PRH1: variants seen among roughly 807,000 people sequenced by gnomAD.
PRH1 encodes salivary acidic proline-rich phosphoprotein 1/2.
In PRH1, 7 loss-of-function variants were observed where a neutral mutation model predicts 7.9. The ratio of observed to expected loss-of-function variants is 0.89; its 90% CI spans 0.50 to 1.67. The LOEUF is 1.67. Among genes scored for constraint, PRH1 ranks in the 40% most tolerant of loss-of-function variants. PRH1 has a pLI of 0.00. For synonymous variants in PRH1, 45 were observed against 80.8 expected (o/e 0.56, Z 2.38); for missense variants, 109 against 223.6 (o/e 0.49, Z 3.27).
chr12:11,032,190 A>G (rs979802196), intron 1 of PRH1, among the ~76,000 whole-genome samples: 9 of 152,188 alleles, frequency 5.9e-5, no homozygotes, highest in South Asian at 4.1e-4. Context: ...AGTGTTTGCA[A>G]TTTTTCCTTG....
chr12:10,932,717 T>C lies in PRH1; in HGVS notation c.-59+40938A>G, dbSNP rs143603996. ...AAGCCACTAGACCTATTTTCCCCTATTTTATCACTGATCAGTTCTGTCCCT... is the reference window on the plus strand; with the variant it reads ...AAGCCACTAGACCTATTTTCCCCTACTTTATCACTGATCAGTTCTGTCCCT... On this transcript the variant is annotated intron_variant, in intron 2 of 3. Coordinates refer to the PRH1 transcript ENST00000539853. 1.3e-3 allele frequency among the ~76,000 whole-genome samples: 202 copies of C among 152,230 alleles called. 5 individuals are homozygous for C. The East Asian group carries it at 0.036, about 27-fold the overall frequency.
chr12:11,150,062 T>C (rs71453438), intron 1 of PRH1, among the ~76,000 whole-genome samples: 1 of 131,872 alleles, frequency 7.6e-6, no homozygotes, highest in Non-Finnish European at 1.7e-5. Context: ...AAAAAACACA[T>C]GAAAAAATGC....
At chr12:11,003,403 G>A (rs937064583) in intron 1 of PRH1, among the ~76,000 whole-genome samples, 4 of 151,878 alleles carry the variant, frequency 2.6e-5, no homozygotes, top group South Asian at 2.1e-4. Context: ...CCACACTTTC[G>A]TCAAAAAGTA....
intron 1 of PRH1, among the ~76,000 whole-genome samples, chr12:11,015,136 A>C (rs1565550607): frequency 6.6e-6 from 1 of 152,208 alleles, no homozygotes; most frequent in Non-Finnish European, 1.5e-5. Context: ...TCATGCAAGC[A>C]TGTGTACAAC....
Position 11,133,456 on chromosome 12 carries a change from G to T in PRH1, n.40-12276C>A, listed in dbSNP as rs537803211. On this transcript the variant is annotated intron_variant and non_coding_transcript_variant, in intron 1 of 1. Coordinates refer to the PRH1 transcript ENST00000541175. ...GATAGCTGAATATAATAGCTTGGCA[G>T]AACATGAAGACAGGTTGCTTTTCCA... is the stretch of plus-strand genomic sequence containing the variant. The T allele has an allele frequency of 1.9e-5, 31 of 1,614,102 alleles. No individual in the cohort carries two copies. The East Asian group carries it at 6.7e-4, about 35-fold the overall frequency.
At chr12:10,934,379 C>G (rs556347684) in intron 2 of PRH1, among the ~76,000 whole-genome samples, 2 of 152,066 alleles carry the variant, frequency 1.3e-5, no homozygotes, top group Non-Finnish European at 2.9e-5. Flanking sequence ...TGTGAGGATT[C>G]GAAGATCTCT....
At chr12:10,898,729 G>T (rs1949683415) in intron 2 of PRH1, among the ~76,000 whole-genome samples, 1 of 152,194 alleles carries the variant, frequency 6.6e-6, no homozygotes, top group Non-Finnish European at 1.5e-5. Flanking sequence ...GGTGCTTAGG[G>T]AAGGACTCAT....
chr12:10,920,920 C>G (rs1457449726), intron 2 of PRH1, among the ~76,000 whole-genome samples: 1 of 151,942 alleles, frequency 6.6e-6, no homozygotes, highest in African/African-American at 2.4e-5. Flanking sequence ...GGGTATTTAT[C>G]TTGATTAGGA....
intron 1 of PRH1, chr12:11,133,564 A>G: frequency 6.2e-7 from 1 of 1,614,240 alleles, no homozygotes; most frequent in Non-Finnish European, 8.5e-7. Flanking sequence ...CAGTTTGCAA[A>G]GCTTTTATGT....
At chr12:10,918,215 G>A (rs1949999116) in intron 2 of PRH1, among the ~76,000 whole-genome samples, 1 of 152,102 alleles carries the variant, frequency 6.6e-6, no homozygotes, top group Non-Finnish European at 1.5e-5. Context: ...TAGCGGGCAT[G>A]TTGGGGCAGG....
chr12:10,972,542 G>A (rs1938866876), intron 2 of PRH1, among the ~76,000 whole-genome samples: 1 of 152,056 alleles, frequency 6.6e-6, no homozygotes, highest in Non-Finnish European at 1.5e-5. Context: ...TGACGTTGAA[G>A]TAAAAGCTGA....
intron 1 of PRH1, among the ~76,000 whole-genome samples, chr12:10,994,318 AC>A (rs1565531008): frequency 6.6e-6 from 1 of 152,132 alleles, no homozygotes; most frequent in African/African-American, 2.4e-5. Context: ...CCTCAGGGAA[AC>A]CCTGGCCAGT....
In PRH1 at chr12:10,929,153, AG is replaced by A. The variant is rs1395572581; in HGVS notation, c.-59+44501del. On this transcript the variant is annotated intron_variant, in intron 2 of 3. Transcript: ENST00000539853. ...TAAGCAAAGCAGAACCCAGTCTCTG[AG>A]GCGAGGAGGCCCACCTGGTAGGGAG... 8.1e-6 allele frequency: 10 copies of A among 1,236,214 alleles called. No homozygotes were observed. The African/African-American group carries it at 1.2e-4, about 15-fold the overall frequency. 76.6% of individuals were successfully genotyped at this position (1,236,214 alleles called of 1,614,324 possible). A position where few individuals can be genotyped will look rare whatever the true frequency, so the allele number is the denominator to read the frequency against.
intron 1 of PRH1, chr12:11,062,030 C>G (rs750024322): frequency 6.2e-7 from 1 of 1,613,392 alleles, no homozygotes; most frequent in South Asian, 1.1e-5. Flanking sequence ...TTGATTACTG[C>G]CCAGACATTG....
At chr12:11,153,963 G>T (rs1947180628) in intron 1 of PRH1, among the ~76,000 whole-genome samples, 1 of 152,134 alleles carries the variant, frequency 6.6e-6, no homozygotes, top group Non-Finnish European at 1.5e-5. Flanking sequence ...AGTGGTTTGT[G>T]TCCAGAGCAA....
intron 1 of PRH1, among the ~76,000 whole-genome samples, chr12:11,026,192 C>A (rs1183540315): frequency 6.6e-6 from 1 of 152,202 alleles, no homozygotes; most frequent in Non-Finnish European, 1.5e-5. Flanking sequence ...TGCACCAACA[C>A]ACCAGCTAAT....
chr12:10,935,356 C>G (rs1263128365), intron 2 of PRH1, among the ~76,000 whole-genome samples: 1 of 152,018 alleles, frequency 6.6e-6, no homozygotes, highest in African/African-American at 2.4e-5. Flanking sequence ...TATTATATAT[C>G]AAAATATTTT....
chr12:11,007,137 A>G (rs376811720), intron 1 of PRH1, among the ~76,000 whole-genome samples: 13 of 152,186 alleles, frequency 8.5e-5, no homozygotes, highest in African/African-American at 2.9e-4. Context: ...ATAAATATGG[A>G]TTTATTTTTT....
chr12:10,883,115 A>T lies in PRH1; in HGVS notation c.65-19T>A. On this transcript the variant is annotated intron_variant, in intron 1 of 3. Transcript: ENST00000543626. ...CTGACATCTAGAAAAGAAGTACAGG[A>T]TGATGGGAAAAGTTACTTCCTGAAT... 6.2e-7 allele frequency: 1 copy of T among 1,612,444 alleles called. No homozygotes were observed.
Sources: gnomAD v4.1 joint callset for allele counts (sites outside exome capture counted in the v4.1 genomes callset) on GRCh38, gnomAD v4.1.1 for gene constraint, MANE v1.5 for transcripts, NCBI Gene and HGNC (gene_info 2026-07-23, HGNC 2026-07-21) for gene names.